The following SCHIP1 variants were observed in gnomAD, a reference collection of about 807,000 sequenced individuals.
SCHIP1 encodes schwannomin-interacting protein 1.
In SCHIP1, 8 loss-of-function variants were observed where a neutral mutation model predicts 29.7. The observed-to-expected ratio is 0.27, with a 90% confidence interval of 0.16 to 0.49. The LOEUF (loss-of-function observed/expected upper bound fraction) is 0.49, where lower values mean the gene tolerates loss of function less well. Among genes scored for constraint, SCHIP1 ranks in the 20% least tolerant of loss-of-function variants. The pLI is 0.99. For synonymous variants in SCHIP1, 76 were observed against 94.9 expected, an observed-to-expected ratio of 0.80 and a Z score of 1.16; for missense variants, 193 against 294.6, an observed-to-expected ratio of 0.66 and a Z score of 2.52.
chr3:159,456,474 A>T, the SCHIP1 span, among the ~76,000 whole-genome samples: 1 of 152,166 alleles, frequency 6.6e-6, no homozygotes, highest in Non-Finnish European at 1.5e-5. Flanking sequence ...TCCTCCATGA[A>T]AAAGAGATCT....
chr3:159,382,502 T>G, the SCHIP1 span, among the ~76,000 whole-genome samples: 2 of 152,134 alleles, frequency 1.3e-5, no homozygotes, highest in African/African-American at 4.8e-5. Flanking sequence ...TAATCCAGTC[T>G]ATCATTGTTG....
chr3:159,815,626 C>A, the SCHIP1 span, among the ~76,000 whole-genome samples: 1 of 152,168 alleles, frequency 6.6e-6, no homozygotes, highest in African/African-American at 2.4e-5. Context: ...ACTCCTTTAC[C>A]TTTTGAAGAC....
the SCHIP1 span, among the ~76,000 whole-genome samples, chr3:159,625,136 C>A: frequency 6.6e-6 from 1 of 152,140 alleles, no homozygotes. Flanking sequence ...GTCTGTGCAG[C>A]GCAGTGTGCT....
At chr3:159,445,769 C>A in the SCHIP1 span, among the ~76,000 whole-genome samples, 1 of 149,800 alleles carries the variant, frequency 6.7e-6, no homozygotes, top group Non-Finnish European at 1.5e-5. Context: ...AGTAAACTAT[C>A]GCAAGGACAA....
the SCHIP1 span, among the ~76,000 whole-genome samples, chr3:159,326,655 T>C: frequency 1.3e-5 from 2 of 152,196 alleles, no homozygotes; most frequent in African/African-American, 4.8e-5. Context: ...ATGTATATTA[T>C]ATTCATTTGG....
the SCHIP1 span, among the ~76,000 whole-genome samples, chr3:159,444,868 G>A: frequency 6.6e-6 from 1 of 152,156 alleles, no homozygotes; most frequent in Non-Finnish European, 1.5e-5. Context: ...GACAAGGTTT[G>A]GGTCAATTTA....
the SCHIP1 span, among the ~76,000 whole-genome samples, chr3:159,403,883 T>G: frequency 6.6e-3 from 1,004 of 152,186 alleles, 10 homozygotes; most frequent in South Asian, 0.032. Flanking sequence ...TCCTTTAGCT[T>G]AAGGAGAGGA....
chr3:159,324,249 A>G, the SCHIP1 span, among the ~76,000 whole-genome samples: 3 of 62,482 alleles, frequency 4.8e-5, no homozygotes, highest in African/African-American at 1.1e-4. Context: ...ACTACAAATA[A>G]AATATTTATT....
chr3:159,409,846 G>A, the SCHIP1 span, among the ~76,000 whole-genome samples: 3 of 152,026 alleles, frequency 2.0e-5, no homozygotes, highest in Admixed American at 6.6e-5. Context: ...GAACAAAACT[G>A]GAGGAATCAC....
chr3:159,826,104 G>A, the SCHIP1 span, among the ~76,000 whole-genome samples: 2 of 152,218 alleles, frequency 1.3e-5, no homozygotes, highest in Non-Finnish European at 2.9e-5. Context: ...GTGGAAAACC[G>A]AGGAGTTTGA....
chr3:159,398,752 G>T, the SCHIP1 span: 4,193 of 152,396 alleles, frequency 0.028, 80 homozygotes, highest in Non-Finnish European at 0.044. Context: ...TGATTCCCAG[G>T]TTTCTGGCTT....
At chr3:159,550,064 TTAAGA>T in the SCHIP1 span, among the ~76,000 whole-genome samples, 10 of 151,860 alleles carry the variant, frequency 6.6e-5, no homozygotes, top group African/African-American at 2.2e-4. Context: ...TTCTCTTATC[TTAAGA>T]TATCTTAAGA....
exon 1 of SCHIP1, chr3:159,839,903 A>T: frequency 7.2e-7 from 1 of 1,396,226 alleles, no homozygotes; most frequent in Non-Finnish European, 9.2e-7. Flanking sequence ...TGTGCGGGTG[A>T]TGAGCGCCCC....
At chr3:159,688,008 C>A in the SCHIP1 span, among the ~76,000 whole-genome samples, 2 of 152,210 alleles carry the variant, frequency 1.3e-5, no homozygotes, top group East Asian at 1.9e-4. Flanking sequence ...CATTGATAGG[C>A]TTTTGGATTG....
At chr3:159,618,146 G>A in the SCHIP1 span, among the ~76,000 whole-genome samples, 1 of 152,148 alleles carries the variant, frequency 6.6e-6, no homozygotes, top group Non-Finnish European at 1.5e-5. Context: ...CCTTAAATAT[G>A]GGGAAACTGA....
the SCHIP1 span, among the ~76,000 whole-genome samples, chr3:159,390,507 A>C: frequency 2.6e-5 from 4 of 152,126 alleles, no homozygotes; most frequent in East Asian, 7.7e-4. Context: ...TTTATGCTAA[A>C]AGAGAAGGGG....
the SCHIP1 span, among the ~76,000 whole-genome samples, chr3:159,392,023 CT>C: frequency 1.3e-5 from 2 of 152,132 alleles, no homozygotes; most frequent in Non-Finnish European, 2.9e-5. Flanking sequence ...GGTCTTTTGG[CT>C]TTTTTTCCTT....
the SCHIP1 span, among the ~76,000 whole-genome samples, chr3:159,294,296 G>A: frequency 3.3e-5 from 5 of 152,254 alleles, no homozygotes; most frequent in South Asian, 6.2e-4. Context: ...CAGAATGTCT[G>A]TGTGGTTCCA....
the SCHIP1 span, among the ~76,000 whole-genome samples, chr3:159,461,122 A>G: frequency 6.6e-6 from 1 of 152,180 alleles, no homozygotes; most frequent in Non-Finnish European, 1.5e-5. Context: ...TCTGCTGGGC[A>G]CATCACAATG....
Sources: gnomAD v4.1 joint callset for allele counts (sites outside exome capture counted in the v4.1 genomes callset) on GRCh38, gnomAD v4.1.1 for gene constraint, MANE v1.5 for transcripts, NCBI Gene and HGNC (gene_info 2026-07-23, HGNC 2026-07-21) for gene names.